Variants in GPR78 observed in about 807,000 individuals in gnomAD.
GPR78 encodes G protein-coupled receptor 78.
GPR78 carries 29 observed loss-of-function variants against 17.9 expected under a neutral mutation model. The observed-to-expected ratio is 1.62, with a 90% CI of 1.20 to 2.21. GPR78 has a LOEUF of 2.21. GPR78 is among the 30% of genes most tolerant of loss of function. GPR78 has a pLI of 0.00. For missense variants in GPR78, 649 were observed against 530.5 expected, an observed-to-expected ratio of 1.22 and a Z score of -2.19; for synonymous variants, 349 against 256.9, an observed-to-expected ratio of 1.36 and a Z score of -3.43.
intron 1 of GPR78, 134 bp downstream of exon 1, chr4:8,581,784 C>T (rs554042679): frequency 7.7e-6 from 5 of 649,184 alleles, no homozygotes; most frequent in African/African-American, 3.8e-5. Flanking sequence ...TGCCCCTGCA[C>T]GCTGCTCACA....
chr4:8,589,532 C>T lies in GPR78; in HGVS notation c.*2169C>T, dbSNP rs62288568. On this transcript the variant is annotated 3_prime_UTR_variant, in exon 3 of 3. Coordinates refer to ENST00000382487, the MANE Select transcript of GPR78 (RefSeq NM_080819.5). ...TGCACAGCAGAAGCAGGTTGTTCCC[C>T]ATTTAAAGTTCTGGAGCCCAGGCTG... is the stretch of plus-strand genomic sequence containing the variant. Among the ~76,000 whole-genome samples the T allele has an allele frequency of 6.6e-6, 1 of 152,178 alleles. No individual in the cohort carries two copies. The highest frequency in any genetic ancestry group is 6.5e-5 in the Admixed American group (1 of 15,276).
Position 8,580,836 on chromosome 4 carries a change from C to G in GPR78, c.-147C>G, listed in dbSNP as rs562963145. 96 of 786,710 alleles carry G rather than the reference C, an allele frequency of 1.2e-4. No individual in the cohort carries two copies. The highest frequency in any genetic ancestry group is 3.8e-4 in the Middle Eastern group (1 of 2,656). 48.7% of individuals were successfully genotyped at this position (786,710 alleles called of 1,614,324 possible). On this transcript the variant is annotated 5_prime_UTR_variant, in exon 1 of 3. Transcript: ENST00000382487. ...ACCCTGCACTTGCCGCCGCTTTCCT[C>G]GCGCTGCTCTGGACCTTGCTAGCCG...
At chr4:8,584,767 C>A (rs370457083) in intron 2 of GPR78, among the ~76,000 whole-genome samples, 23 of 152,200 alleles carry the variant, frequency 1.5e-4, no homozygotes, top group African/African-American at 4.3e-4. Context: ...GGTTCTAATG[C>A]AGTTGGTGGC....
At chr4:8,583,368 T>C (rs902659834) in intron 2 of GPR78, among the ~76,000 whole-genome samples, 2 of 152,176 alleles carry the variant, frequency 1.3e-5, no homozygotes, top group African/African-American at 4.8e-5. Context: ...CTATTACGTT[T>C]TGCCTTTCTT....
chr4:8,581,822 G>A (rs572282742), intron 1 of GPR78, among the ~76,000 whole-genome samples, 172 bp downstream of exon 1: 68 of 151,958 alleles, frequency 4.5e-4, no homozygotes, highest in African/African-American at 1.6e-3. Context: ...CATTGGTGCA[G>A]ACACTGCGGG....
In GPR78 at chr4:8,581,482, C is replaced by A. The variant is rs115973873; in HGVS notation, c.500C>A (p.Pro167Gln). 1.9e-6 allele frequency: 3 copies of A among 1,591,832 alleles called. No individual in the cohort carries two copies. Among genetic ancestry groups the A allele is most frequent in the Non-Finnish European group, 2.5e-6 (3 of 1,176,896 alleles). Reference protein sequence around the residue: ...SLRLPPEPERPRFAAFTATLH... With the variant: ...SLRLPPEPERQRFAAFTATLH... Reference sequence around the variant, plus strand: ...CGCCTGCCGCCCGAGCCTGAGCGTCCGCGCTTCGCAGCCTTCACCGCCACG... The same window carrying A: ...CGCCTGCCGCCCGAGCCTGAGCGTCAGCGCTTCGCAGCCTTCACCGCCACG... Residue 167 changes from proline (P) to glutamine (Q), a missense_variant, in exon 1 of 3, where the codon CCG becomes CAG. By Grantham distance (76) the Pro-to-Gln change is moderately conservative. Transcript: ENST00000382487.
In GPR78 at chr4:8,589,522, G is replaced by T. The variant is rs1560284178; in HGVS notation, c.*2159G>T. 6.6e-6 allele frequency among the ~76,000 whole-genome samples: 1 copy of T among 152,192 alleles called. No individual in the cohort carries two copies. Among genetic ancestry groups the T allele is most frequent in the African/African-American group, 2.4e-5 (1 of 41,466 alleles). On this transcript the variant is annotated 3_prime_UTR_variant, in exon 3 of 3. Transcript: ENST00000382487. ...GGAGGGCACGTGCACAGCAGAAGCAGGTTGTTCCCCATTTAAAGTTCTGGA... is the reference window on the plus strand; with the variant it reads ...GGAGGGCACGTGCACAGCAGAAGCATGTTGTTCCCCATTTAAAGTTCTGGA...
chr4:8,583,864 G>C (rs1386965497), intron 2 of GPR78, among the ~76,000 whole-genome samples: 1 of 152,228 alleles, frequency 6.6e-6, no homozygotes, highest in African/African-American at 2.4e-5. Flanking sequence ...CTTAGGGACA[G>C]GGAGCCAGGT....
Position 8,587,064 on chromosome 4 carries a change from C to T in GPR78, c.793C>T (p.Leu265Phe), listed in dbSNP as rs372790877. The change falls in exon 3 of 3, where the codon CTC (leucine) becomes TTC (phenylalanine). Residue 265 changes from leucine (L) to phenylalanine (F), a missense_variant. Transcript: ENST00000382487. ...APYVMTRLAE[L>F]VPFVTVNAQW... ...CCGCTTCCCCAACAGGCTGGCGGAG[C>T]TCGTGCCCTTCGTCACCGTGAACGC... 4.4e-4 allele frequency: 715 copies of T among 1,610,932 alleles called. No homozygotes were observed. Among genetic ancestry groups the T allele is most frequent in the Non-Finnish European group, 5.4e-4 (639 of 1,178,564 alleles).
intron 2 of GPR78, among the ~76,000 whole-genome samples, chr4:8,584,410 A>T (rs1713416447): frequency 6.6e-6 from 1 of 152,250 alleles, no homozygotes; most frequent in Admixed American, 6.5e-5. Flanking sequence ...GGATCTGGGC[A>T]GCTCAGGCTC....
In GPR78 at chr4:8,587,815, G is replaced by C. The variant is rs145559342; in HGVS notation, c.*452G>C. 1 of 183,708 alleles carries C rather than the reference G, an allele frequency of 5.4e-6. No individual in the cohort carries two copies. The highest frequency in any genetic ancestry group is 2.4e-5 in the African/African-American group (1 of 42,512). The allele number at this position is 183,708 out of a possible 1,614,324, so 11.4% of individuals were successfully genotyped here. A position where few individuals can be genotyped will look rare whatever the true frequency, so the allele number is the denominator to read the frequency against. ...CCAACCTGGTTATTAGCATTGTTCC[G>C]ATTTGTTCTCGGCATTGCCCAGGTT... is the stretch of plus-strand genomic sequence containing the variant. On this transcript the variant is annotated 3_prime_UTR_variant, in exon 3 of 3. Transcript: ENST00000382487.
In GPR78 at chr4:8,580,846, T is replaced by C; in HGVS notation, c.-137T>C. On this transcript the variant is annotated 5_prime_UTR_variant, in exon 1 of 3. Transcript: ENST00000382487. Reference sequence around the variant, plus strand: ...TGCCGCCGCTTTCCTCGCGCTGCTCTGGACCTTGCTAGCCGGCTCTGCACC... The same window carrying C: ...TGCCGCCGCTTTCCTCGCGCTGCTCCGGACCTTGCTAGCCGGCTCTGCACC... The C allele has an allele frequency of 1.2e-6, 1 of 849,526 alleles. No homozygotes were observed. The highest frequency in any genetic ancestry group is 1.8e-6 in the Non-Finnish European group (1 of 567,506). 52.6% of individuals were successfully genotyped at this position (849,526 alleles called of 1,614,324 possible).
chr4:8,582,402 C>A (rs1043740418), intron 1 of GPR78, 129 bp from the exon 2 acceptor site: 4 of 635,534 alleles, frequency 6.3e-6, no homozygotes, highest in Admixed American at 2.3e-5. Flanking sequence ...TCCCTCTGTC[C>A]TCCTCAGGTT....
rs372501836 is a variant in GPR78, at chr4:8,587,103, C to G, written c.832C>G (p.Leu278Val). 1 of 1,613,308 alleles carries G rather than the reference C, an allele frequency of 6.2e-7. No homozygotes were observed. Among genetic ancestry groups the G allele is most frequent in the East Asian group, 2.2e-5 (1 of 44,888 alleles). The change falls in exon 3 of 3, where the codon CTC becomes GTC. Residue 278 changes from leucine (L) to valine (V), a missense_variant. Physicochemically the swap from Leu to Val is conservative, Grantham distance 32. Transcript: ENST00000382487. ...CACCGTGAACGCCCAGTGGGGCATC[C>G]TCAGCAAGTGCCTGACCTACAGCAA... The part of the protein sequence containing the change: ...FVTVNAQWGI[L>V]SKCLTYSKAV...
intron 2 of GPR78, among the ~76,000 whole-genome samples, chr4:8,586,646 A>C (rs1032248389): frequency 3.3e-5 from 5 of 152,234 alleles, no homozygotes; most frequent in Admixed American, 1.3e-4. Flanking sequence ...CAGAGCTCAC[A>C]TCTGGGGTGT....
At position 8,587,090 on chromosome 4, in the gene GPR78, C is replaced by T. The variant is rs763077825; in HGVS notation, c.819C>T (p.Ala273=). 2.5e-6 allele frequency: 4 copies of T among 1,613,138 alleles called. No homozygotes were observed. The South Asian group carries it at 3.3e-5, about 13-fold the overall frequency. ...AELVPFVTVN[A]QWGILSKCLT... ...TCGTGCCCTTCGTCACCGTGAACGC[C>T]CAGTGGGGCATCCTCAGCAAGTGCC... Residue 273 remains alanine (A), a synonymous_variant, in exon 3 of 3, where the codon GCC becomes GCT. Coordinates refer to ENST00000382487, the MANE Select transcript of GPR78 (RefSeq NM_080819.5).
chr4:8,581,489 C>G lies in GPR78; in HGVS notation c.507C>G (p.Phe169Leu). Reference protein sequence around the residue: ...RLPPEPERPRFAAFTATLHAV... With the variant: ...RLPPEPERPRLAAFTATLHAV... ...CGCCCGAGCCTGAGCGTCCGCGCTT[C>G]GCAGCCTTCACCGCCACGCTCCATG... The change falls in exon 1 of 3, where the codon TTC becomes TTG. Residue 169 changes from phenylalanine to leucine, a missense_variant. Transcript: ENST00000382487. 2 of 1,592,334 alleles carry G rather than the reference C, an allele frequency of 1.3e-6. No individual in the cohort carries two copies. Among genetic ancestry groups the G allele is most frequent in the Non-Finnish European group, 1.7e-6 (2 of 1,177,046 alleles).
chr4:8,582,932 G>T, intron 2 of GPR78: 1 of 286,314 alleles, frequency 3.5e-6, no homozygotes, highest in Non-Finnish European at 6.5e-6. Flanking sequence ...AACCTAGAAA[G>T]CTTTCAAAAT....
intron 2 of GPR78, 45 bp from the exon 3 acceptor site, chr4:8,587,008 AG>A: frequency 1.3e-6 from 2 of 1,539,258 alleles, no homozygotes; most frequent in Non-Finnish European, 1.8e-6. Flanking sequence ...AGTGCGTGGC[AG>A]GTGCTGTCAC....
Sources: allele counts gnomAD v4.1 joint callset (sites outside exome capture counted in the v4.1 genomes callset), GRCh38; gene constraint gnomAD v4.1.1; transcripts MANE v1.5; gene names NCBI Gene and HGNC (gene_info 2026-07-23, HGNC 2026-07-21).